Variants in CYTH1 observed in about 807,000 individuals in gnomAD.
CYTH1 encodes the protein cytohesin-1.
A neutral mutation model predicts 61.8 loss-of-function variants in CYTH1; 18 were observed. That is an observed-to-expected ratio of 0.29 (90% confidence interval 0.20 to 0.43). CYTH1 has a LOEUF of 0.43. Ranked by LOEUF, CYTH1 falls within the 20% of genes least tolerant of loss-of-function variation. CYTH1 has a pLI of 1.00. For synonymous variants in CYTH1, 174 were observed against 184.3 expected, an observed-to-expected ratio of 0.94 and a Z score of 0.45; for missense variants, 336 against 510.5, an observed-to-expected ratio of 0.66 and a Z score of 3.29.
intron 1 of CYTH1, among the ~76,000 whole-genome samples, chr17:78,740,137 T>C (rs1025063420): frequency 6.6e-6 from 1 of 152,196 alleles, no homozygotes. Context: ...GGTTTCACCA[T>C]GTTGGCCAGG....
At chr17:78,685,868 T>C (rs2092811393) in intron 11 of CYTH1, among the ~76,000 whole-genome samples, 1 of 152,230 alleles carries the variant, frequency 6.6e-6, no homozygotes, top group Non-Finnish European at 1.5e-5. Flanking sequence ...CAGACCTTGA[T>C]ACTTTAATTT....
chr17:78,773,644 A>G (rs958380757), intron 1 of CYTH1, among the ~76,000 whole-genome samples: 1 of 151,750 alleles, frequency 6.6e-6, no homozygotes, highest in Non-Finnish European at 1.5e-5. Context: ...AAAAAAAAAA[A>G]TTAAATTAAA....
At chr17:78,735,929 C>T (rs942826296) in intron 1 of CYTH1, among the ~76,000 whole-genome samples, 2 of 152,200 alleles carry the variant, frequency 1.3e-5, no homozygotes, top group Admixed American at 6.5e-5. Context: ...CTTTAAGACA[C>T]AGCTCTTCAG....
At chr17:78,684,784 T>A (rs1348747429) in intron 11 of CYTH1, among the ~76,000 whole-genome samples, 1 of 152,186 alleles carries the variant, frequency 6.6e-6, no homozygotes, top group Non-Finnish European at 1.5e-5. Flanking sequence ...TGTTTAGAAT[T>A]TAACAGGGGG....
At chr17:78,776,498 A>T (rs1465573233) in intron 1 of CYTH1, among the ~76,000 whole-genome samples, 1 of 151,742 alleles carries the variant, frequency 6.6e-6, no homozygotes, top group African/African-American at 2.4e-5. Flanking sequence ...CTCTACTAAA[A>T]ATACAAAACA....
rs186334771 is a variant in CYTH1 at position 78,772,806 on chromosome 17, G to T, written c.22+9396C>A. 5.2e-3 allele frequency among the ~76,000 whole-genome samples: 796 copies of T among 152,028 alleles called. 9 individuals are homozygous for T. Among genetic ancestry groups the T allele is most frequent in the South Asian group, 5.4e-3 (26 of 4,822 alleles). On this transcript the variant is annotated intron_variant, in intron 1 of 13. Coordinates refer to ENST00000446868, the MANE Select transcript of CYTH1 (RefSeq NM_004762.6). ...CCACCTTGGCCTCCCAAAGTGTTGG[G>T]ATTACAGGCGTGAGCCACCACACCT...
chr17:78,738,067 C>T (rs1429104776), intron 1 of CYTH1, among the ~76,000 whole-genome samples: 1 of 152,136 alleles, frequency 6.6e-6, no homozygotes, highest in East Asian at 1.9e-4. Context: ...CTACGTATCT[C>T]AATACACGTG....
intron 1 of CYTH1, among the ~76,000 whole-genome samples, chr17:78,711,940 A>G (rs541452098): frequency 1.0e-3 from 154 of 152,002 alleles, no homozygotes; most frequent in African/African-American, 3.4e-3. Context: ...TTAGCTGGGC[A>G]TGGTGGCACA....
At chr17:78,733,529 G>C (rs2093305651) in intron 1 of CYTH1, among the ~76,000 whole-genome samples, 1 of 152,168 alleles carries the variant, frequency 6.6e-6, no homozygotes, top group Non-Finnish European at 1.5e-5. Flanking sequence ...CATAGGCGCA[G>C]CCTGTGCTTG....
intron 13 of CYTH1, 141 bp from the exon 14 acceptor site, chr17:78,676,310 T>G (rs1465499708): frequency 4.2e-6 from 3 of 713,654 alleles, no homozygotes. Context: ...CAAGTTAGCG[T>G]CCTCCACCCT....
At chr17:78,734,863 C>G (rs986686618) in intron 1 of CYTH1, among the ~76,000 whole-genome samples, 6 of 152,094 alleles carry the variant, frequency 3.9e-5, no homozygotes, top group African/African-American at 1.4e-4. Context: ...TTCTTTAGGG[C>G]GTAAGTCTAG....
At chr17:78,711,312 T>TACACACAC (rs1250252067) in intron 1 of CYTH1, among the ~76,000 whole-genome samples, 12 of 132,130 alleles carry the variant, frequency 9.1e-5, no homozygotes, top group African/African-American at 3.1e-4. Context: ...AATATATATA[T>TACACACAC]ATACACACAC....
At chr17:78,729,211 G>A (rs556213689) in intron 1 of CYTH1, among the ~76,000 whole-genome samples, 2 of 152,168 alleles carry the variant, frequency 1.3e-5, no homozygotes, top group Non-Finnish European at 1.5e-5. Flanking sequence ...GGCCTCAAGC[G>A]ATACTCCCAC....
At chr17:78,686,000 G>A (rs966427991) in intron 11 of CYTH1, among the ~76,000 whole-genome samples, 6 of 152,174 alleles carry the variant, frequency 3.9e-5, no homozygotes, top group African/African-American at 1.4e-4. Context: ...ACAGTTTCCT[G>A]AAATACGGTG....
chr17:78,698,470 G>A (rs767952053), intron 8 of CYTH1, 90 bp from the exon 9 acceptor site: 6 of 1,065,652 alleles, frequency 5.6e-6, no homozygotes, highest in Non-Finnish European at 8.5e-6. Flanking sequence ...AAGCATTCAT[G>A]TGCCTATAGT....
intron 1 of CYTH1, among the ~76,000 whole-genome samples, chr17:78,758,202 G>A (rs570490017): frequency 3.3e-5 from 5 of 152,188 alleles, no homozygotes; most frequent in Admixed American, 6.5e-5. Context: ...TAAATAACAA[G>A]ACAGGATGAT....
chr17:78,747,060 G>A (rs769533532), intron 1 of CYTH1, among the ~76,000 whole-genome samples: 4 of 144,312 alleles, frequency 2.8e-5, no homozygotes, highest in African/African-American at 5.2e-5. Context: ...TTAGCCAAGA[G>A]CTAGACCTAC....
intron 11 of CYTH1, among the ~76,000 whole-genome samples, chr17:78,684,191 C>T (rs1015868576): frequency 6.6e-6 from 1 of 152,148 alleles, no homozygotes; most frequent in Non-Finnish European, 1.5e-5. Context: ...TCCTGCAGAG[C>T]GTGGCCCTCC....
chr17:78,751,739 A>C (rs1434634709), intron 1 of CYTH1, among the ~76,000 whole-genome samples: 1 of 152,258 alleles, frequency 6.6e-6, no homozygotes, highest in Non-Finnish European at 1.5e-5. Context: ...TTGACTGCAT[A>C]AACGAAGAAG....
Sources: gnomAD v4.1 joint callset for allele counts (sites outside exome capture counted in the v4.1 genomes callset) on GRCh38, gnomAD v4.1.1 for gene constraint, MANE v1.5 for transcripts, NCBI Gene and HGNC (gene_info 2026-07-23, HGNC 2026-07-21) for gene names.